The following RANBP17 variants were observed in gnomAD, a reference collection of about 807,000 sequenced individuals.
The protein encoded by RANBP17 is RAN binding protein 17.
Under a neutral mutation model 141.2 loss-of-function variants are expected in RANBP17, and 158 were observed. The ratio of observed to expected loss-of-function variants is 1.12; its 90% CI spans 0.98 to 1.28. The LOEUF (loss-of-function observed/expected upper bound fraction) is 1.28, where lower values mean the gene tolerates loss of function less well. Ranked by LOEUF, RANBP17 falls within the 50% of genes most tolerant of loss-of-function variation. RANBP17 has a pLI of 0.00. For synonymous variants in RANBP17, 430 were observed against 450.0 expected (o/e 0.96, Z 0.56); for missense variants, 1,438 against 1,290.7 (o/e 1.11, Z -1.75).
At chr5:171,146,694 A>G (rs1036218566) in intron 14 of RANBP17, among the ~76,000 whole-genome samples, 10 of 152,218 alleles carry the variant, frequency 6.6e-5, no homozygotes, top group African/African-American at 2.2e-4. Context: ...AGAGCAGGGA[A>G]CTTGGAGCTA....
intron 24 of RANBP17, chr5:171,252,741 A>G: frequency 2.8e-6 from 4 of 1,416,666 alleles, no homozygotes; most frequent in Non-Finnish European, 2.0e-6. Flanking sequence ...TTCACTGTGG[A>G]AGACTTATTT....
chr5:171,155,142 T>C (rs1016876532), intron 14 of RANBP17, among the ~76,000 whole-genome samples: 1 of 136,522 alleles, frequency 7.3e-6, no homozygotes, highest in African/African-American at 2.8e-5. Flanking sequence ...CACACACACA[T>C]ATACACATAT....
chr5:170,945,084 A>G (rs1561917133), intron 12 of RANBP17, among the ~76,000 whole-genome samples: 1 of 152,208 alleles, frequency 6.6e-6, no homozygotes, highest in South Asian at 2.1e-4. Context: ...AGAACATGAT[A>G]CAAAGTAGAT....
intron 14 of RANBP17, among the ~76,000 whole-genome samples, chr5:170,982,799 C>T (rs1777863764): frequency 6.6e-6 from 1 of 152,078 alleles, no homozygotes; most frequent in Non-Finnish European, 1.5e-5. Context: ...AAATTCACAG[C>T]ATCAGGATTG....
intron 2 of RANBP17, 107 bp downstream of exon 2, chr5:170,878,350 T>G: frequency 1.0e-6 from 1 of 981,942 alleles, no homozygotes; most frequent in Non-Finnish European, 1.4e-6. Context: ...GCCACATGGT[T>G]TTTTTGTTTT....
At position 170,918,799 on chromosome 5, in the gene RANBP17, GGT is replaced by G. The variant is rs1772190130; in HGVS notation, c.1043_1044del (p.Val348GlufsTer5). 6.2e-7 allele frequency: 1 copy of G among 1,605,334 alleles called. No individual in the cohort carries two copies. Among genetic ancestry groups the G allele is most frequent in the Non-Finnish European group, 8.5e-7 (1 of 1,174,476 alleles). ...ATTATCAGCTGGGAGAATTAGTTAT[GGT>G]GAAGGAATATCCTGAAGTTATTAGA... ...TNYQLGELVM[V>X]KEYPEVIRLI... On this transcript the variant is annotated frameshift_variant, in exon 10 of 28. Transcript: ENST00000523189. LOFTEE classifies it high-confidence loss of function.
At chr5:171,091,180 A>C (rs1786236621) in intron 14 of RANBP17, among the ~76,000 whole-genome samples, 1 of 152,210 alleles carries the variant, frequency 6.6e-6, no homozygotes, top group Non-Finnish European at 1.5e-5. Context: ...GCAAAGCCAC[A>C]GAGGTGGAGC....
chr5:170,903,944 C>T, intron 5 of RANBP17: 1 of 521,656 alleles, frequency 1.9e-6, no homozygotes, highest in Non-Finnish European at 3.8e-6. Context: ...TTGTATCAAG[C>T]CTAACACCTC....
At chr5:171,248,080 A>G (rs1765323153) in intron 24 of RANBP17, among the ~76,000 whole-genome samples, 1 of 152,218 alleles carries the variant, frequency 6.6e-6, no homozygotes, top group Non-Finnish European at 1.5e-5. Flanking sequence ...AAGAACTCAC[A>G]GGAAGGCTGG....
At chr5:171,066,708 A>G (rs1173658440) in intron 14 of RANBP17, among the ~76,000 whole-genome samples, 1 of 152,158 alleles carries the variant, frequency 6.6e-6, no homozygotes, top group Non-Finnish European at 1.5e-5. Context: ...GCTTGATCAT[A>G]TGGTAATTCT....
chr5:171,009,419 G>C (rs1034279968), intron 14 of RANBP17, among the ~76,000 whole-genome samples: 4 of 152,156 alleles, frequency 2.6e-5, no homozygotes, highest in African/African-American at 9.7e-5. Flanking sequence ...AAAATGAAAG[G>C]ATTGAATTGG....
intron 14 of RANBP17, among the ~76,000 whole-genome samples, chr5:171,135,816 CA>C (rs1311705587): frequency 1.3e-5 from 2 of 152,168 alleles, no homozygotes; most frequent in African/African-American, 4.8e-5. Context: ...CTAGCTGAGG[CA>C]ATTGCTTCTG....
intron 5 of RANBP17, chr5:170,897,135 T>C: frequency 1.2e-6 from 1 of 825,700 alleles, no homozygotes; most frequent in Admixed American, 1.8e-5. Context: ...CAGGGACCAC[T>C]GAGAGATGTA....
At chr5:171,153,866 A>G (rs1758657784) in intron 14 of RANBP17, among the ~76,000 whole-genome samples, 1 of 151,992 alleles carries the variant, frequency 6.6e-6, no homozygotes, top group South Asian at 2.1e-4. Context: ...CATCTCTACT[A>G]AAAATACAAA....
At chr5:171,127,670 G>A (rs189595436) in intron 14 of RANBP17, among the ~76,000 whole-genome samples, 18 of 152,220 alleles carry the variant, frequency 1.2e-4, no homozygotes, top group East Asian at 1.2e-3. Flanking sequence ...TCTTCTCATC[G>A]CAGTTAGAAT....
rs55815206 is a variant in RANBP17 at position 170,893,470 on chromosome 5, A to G, written c.423+917A>G. On this transcript the variant is annotated intron_variant, in intron 4 of 27. Coordinates refer to ENST00000523189, the MANE Select transcript of RANBP17 (RefSeq NM_022897.5). ...TACAAACGTAATTCCCAAGTAGAAG[A>G]GAACTATTTTATCTGATGTCCAGCT... Among the ~76,000 whole-genome samples the G allele has an allele frequency of 6.2e-3, 948 of 152,268 alleles. 11 individuals carry two copies. The highest frequency in any genetic ancestry group is 0.022 in the African/African-American group (900 of 41,548).
intron 14 of RANBP17, among the ~76,000 whole-genome samples, chr5:171,062,251 G>T (rs1388292630): frequency 6.6e-6 from 1 of 152,198 alleles, no homozygotes; most frequent in East Asian, 1.9e-4. Context: ...TTTCTTCCTA[G>T]CCTTGATGGT....
chr5:171,223,121 C>A (rs1196171720), intron 22 of RANBP17, among the ~76,000 whole-genome samples: 1 of 152,096 alleles, frequency 6.6e-6, no homozygotes, highest in Admixed American at 6.5e-5. Context: ...CATTTCAGAA[C>A]ACATTCTGGG....
chr5:171,106,002 G>A (rs902019727), intron 14 of RANBP17, among the ~76,000 whole-genome samples: 3 of 152,212 alleles, frequency 2.0e-5, no homozygotes, highest in African/African-American at 7.2e-5. Context: ...ACATTAGTAA[G>A]CTGGGTAAGC....
Sources: gnomAD v4.1 joint callset for allele counts (sites outside exome capture counted in the v4.1 genomes callset) on GRCh38, gnomAD v4.1.1 for gene constraint, MANE v1.5 for transcripts, NCBI Gene and HGNC (gene_info 2026-07-23, HGNC 2026-07-21) for gene names.